Variants in EIF4E1B observed in about 807,000 individuals in gnomAD.
EIF4E1B encodes eukaryotic translation initiation factor 4E type 1B.
A neutral mutation model predicts 31.3 loss-of-function variants in EIF4E1B; 22 were observed. The observed-to-expected ratio is 0.70, with a 90% CI of 0.50 to 1.00. EIF4E1B has a LOEUF of 1.00. Among genes scored for constraint, EIF4E1B ranks in the 50% least tolerant of loss-of-function variants. EIF4E1B has a pLI of 0.00. For synonymous variants in EIF4E1B, 126 were observed against 120.2 expected (o/e 1.05, Z -0.31); for missense variants, 290 against 311.6 (o/e 0.93, Z 0.52).
At chr5:176,636,274 AGCTCGG>A (rs1199519548) in intron 1 of EIF4E1B, among the ~76,000 whole-genome samples, 3 of 152,176 alleles carry the variant, frequency 2.0e-5, no homozygotes, top group African/African-American at 7.2e-5. Flanking sequence ...GGGGTGGCAA[AGCTCGG>A]GCTCGTGGGC....
In EIF4E1B at chr5:176,645,850, TC is replaced by T. The variant is rs1481342579; in HGVS notation, c.615-11del. 2 of 1,558,052 alleles carry T rather than the reference TC, an allele frequency of 1.3e-6. No individual in the cohort carries two copies. Among genetic ancestry groups the T allele is most frequent in the Admixed American group, 2.0e-5 (1 of 50,684 alleles). ...CTACCTGTGTCTCTTTTCCTCTGTG[TC>T]CCCCGCACCTGCAGGCGTGTATACA... On this transcript the variant is annotated splice_polypyrimidine_tract_variant and intron_variant, in intron 8 of 8. Coordinates refer to ENST00000318682, the MANE Select transcript of EIF4E1B (RefSeq NM_001099408.2). This position sits in a 1 kb window ranked among gnomAD's most constrained non-coding sequence, Gnocchi z 5.4.
At chr5:176,632,948 C>T (rs1027785032) in intron 1 of EIF4E1B, among the ~76,000 whole-genome samples, 2 of 151,998 alleles carry the variant, frequency 1.3e-5, no homozygotes, top group African/African-American at 4.8e-5. Flanking sequence ...AGCAGGGAAG[C>T]AGAGGGCGGG....
At chr5:176,636,928 C>T (rs1760502766) in intron 1 of EIF4E1B, among the ~76,000 whole-genome samples, 1 of 152,244 alleles carries the variant, frequency 6.6e-6, no homozygotes, top group African/African-American at 2.4e-5. Flanking sequence ...CAATGAAGCC[C>T]TTGCCCCTCT....
intron 1 of EIF4E1B, among the ~76,000 whole-genome samples, chr5:176,641,386 A>G (rs1417483176): frequency 6.6e-6 from 1 of 152,182 alleles, no homozygotes; most frequent in Non-Finnish European, 1.5e-5. Context: ...GCCCAGAACT[A>G]AGGCGTCAGA....
At chr5:176,642,851 TCCCCC>T (rs756296646) in intron 3 of EIF4E1B, 49 bp downstream of exon 3, 5 of 999,776 alleles carry the variant, frequency 5.0e-6, no homozygotes, top group South Asian at 4.2e-5. Flanking sequence ...CCCCGCCCTC[TCCCCC>T]CCCCCCCCCG....
At chr5:176,632,895 G>A (rs2113436090) in intron 1 of EIF4E1B, among the ~76,000 whole-genome samples, 1 of 152,300 alleles carries the variant, frequency 6.6e-6, no homozygotes, top group South Asian at 2.1e-4. Context: ...GTGACTGACA[G>A]GTGCAGCTCC....
chr5:176,630,863 A>T lies in EIF4E1B; in HGVS notation c.-403A>T, dbSNP rs1319522337. On this transcript the variant is annotated 5_prime_UTR_variant, in exon 1 of 9. Transcript: ENST00000318682. ...CCTCCTCTGTAAAACAGGAATGGTT[A>T]ATTCAACGAATGTTTACTGAGCGCT... 6.6e-6 allele frequency: 1 copy of T among 152,258 alleles called. No individual in the cohort carries two copies. The highest frequency in any genetic ancestry group is 2.4e-5 in the African/African-American group (1 of 41,418). The allele number at this position is 152,258 out of a possible 1,614,324, so 9.4% of individuals were successfully genotyped here. A position where few individuals can be genotyped will look rare whatever the true frequency, so the allele number is the denominator to read the frequency against.
chr5:176,632,578 GA>G (rs1760424406), intron 1 of EIF4E1B, among the ~76,000 whole-genome samples: 1 of 152,196 alleles, frequency 6.6e-6, no homozygotes. Context: ...TAATTTCTGA[GA>G]AAACTGTTAA....
chr5:176,644,875 C>G (rs73806059), intron 6 of EIF4E1B, among the ~76,000 whole-genome samples: 1 of 152,152 alleles, frequency 6.6e-6, no homozygotes, highest in Non-Finnish European at 1.5e-5. Flanking sequence ...TAATCCACCC[C>G]GATTTGAATG....
intron 1 of EIF4E1B, among the ~76,000 whole-genome samples, chr5:176,637,784 G>C (rs1051130771): frequency 6.6e-6 from 1 of 152,198 alleles, no homozygotes; most frequent in Non-Finnish European, 1.5e-5. Flanking sequence ...TGCGCTGTGA[G>C]CAGAGGAGGG....
rs751404509 is a variant in EIF4E1B, at chr5:176,643,259, C to A, written c.193C>A (p.Gln65Lys). Residue 65 changes from glutamine to lysine, a missense_variant, in exon 4 of 9, where the codon CAG (glutamine) becomes AAG (lysine). By Grantham distance (53) the Gln-to-Lys change is moderately conservative. Transcript: ENST00000318682. ...AGTCAAGCTGGAGCTGCACCCCTTG[C>A]AGAACAGGTAGGCAGGAGCCTGCGA... ...MEVKLELHPL[Q>K]NRWALWFFKN... The A allele has an allele frequency of 1.2e-6, 2 of 1,611,824 alleles. No individual in the cohort carries two copies. The highest frequency in any genetic ancestry group is 4.5e-5 in the East Asian group (2 of 44,888).
chr5:176,643,769 G>A, intron 5 of EIF4E1B, 35 bp downstream of exon 5: 1 of 1,590,960 alleles, frequency 6.3e-7, no homozygotes, highest in Non-Finnish European at 8.6e-7. Context: ...TAGAGTTGGG[G>A]GGCTCTGAGC....
In EIF4E1B at chr5:176,645,711, A is replaced by C; in HGVS notation, c.615-155A>C. ...TACGGCAGTGCAGCTCTCCTTTTGC[A>C]TTAAGGGGGTCATATTTTGGGTTTC... On this transcript the variant is annotated intron_variant, in intron 8 of 8. Coordinates refer to ENST00000318682, the MANE Select transcript of EIF4E1B (RefSeq NM_001099408.2). This position sits in a 1 kb window ranked among gnomAD's most constrained non-coding sequence, Gnocchi z 5.4. 9.2e-7 allele frequency: 1 copy of C among 1,088,952 alleles called. No individual in the cohort carries two copies. The highest frequency in any genetic ancestry group is 1.3e-6 in the Non-Finnish European group (1 of 776,236). The allele number at this position is 1,088,952 out of a possible 1,614,324, so 67.5% of individuals were successfully genotyped here.
rs1760699501 is a variant in EIF4E1B, at chr5:176,645,983, G to C, written c.*3G>C. The stretch of plus-strand genomic sequence containing the variant: ...CCAAGAACAAGTTTGTGGTGTGAGG[G>C]GGGCCTTGGCACCCCTCCTATGTAA... On this transcript the variant is annotated 3_prime_UTR_variant, in exon 9 of 9. Coordinates refer to ENST00000318682, the MANE Select transcript of EIF4E1B (RefSeq NM_001099408.2). The surrounding 1 kb of genome is among the most constrained non-coding windows in gnomAD (Gnocchi z 5.4). 6.3e-7 allele frequency: 1 copy of C among 1,596,252 alleles called. No homozygotes were observed. The highest frequency in any genetic ancestry group is 8.5e-7 in the Non-Finnish European group (1 of 1,171,662).
At chr5:176,642,862 C>G (rs1465238107) in intron 3 of EIF4E1B, 60 bp downstream of exon 3, 1 of 1,287,078 alleles carries the variant, frequency 7.8e-7, no homozygotes, top group African/African-American at 1.9e-5. Context: ...CCCCCCCCCC[C>G]CCCGCCCCAG....
In EIF4E1B at chr5:176,643,555, A is replaced by AG. The variant is rs1581186992; in HGVS notation, c.201-81dup. On this transcript the variant is annotated intron_variant, in intron 4 of 8. Coordinates refer to ENST00000318682, the MANE Select transcript of EIF4E1B (RefSeq NM_001099408.2). The stretch of plus-strand genomic sequence containing the variant: ...ATCTCCCAGTTCGCCCTTGAAGGGG[A>AG]GGGTCCTCCCTGTCAGTCCAGGTGC... The AG allele has an allele frequency of 5.3e-6, 7 of 1,331,096 alleles. No homozygotes were observed. In the East Asian group the frequency reaches 1.8e-4, roughly 33 times the overall value. The allele number at this position is 1,331,096 out of a possible 1,614,324, so 82.5% of individuals were successfully genotyped here. A position where few individuals can be genotyped will look rare whatever the true frequency, so the allele number is the denominator to read the frequency against.
chr5:176,630,737 C>G lies in EIF4E1B; in HGVS notation c.-529C>G, dbSNP rs1014915868. 3 of 152,256 alleles carry G rather than the reference C, an allele frequency of 2.0e-5. No homozygotes were observed. Among genetic ancestry groups the G allele is most frequent in the South Asian group, 4.1e-4 (2 of 4,834 alleles). 9.4% of individuals were successfully genotyped at this position (152,256 alleles called of 1,614,324 possible). A position where few individuals can be genotyped will look rare whatever the true frequency, so the allele number is the denominator to read the frequency against. Reference sequence around the variant, plus strand: ...CGTGTGAAGAGTGGGGAAGAAATCACGCGACTGGATTTGGAGTTCTGCTGG... The same window carrying G: ...CGTGTGAAGAGTGGGGAAGAAATCAGGCGACTGGATTTGGAGTTCTGCTGG... On this transcript the variant is annotated 5_prime_UTR_variant, in exon 1 of 9. Transcript: ENST00000318682.
intron 6 of EIF4E1B, 182 bp downstream of exon 6, chr5:176,644,621 A>G: frequency 1.5e-6 from 1 of 645,446 alleles, no homozygotes; most frequent in Non-Finnish European, 2.5e-6. Flanking sequence ...GGTCAGGCCC[A>G]AGCCGCACCT....
rs1760536746 is a variant in EIF4E1B at position 176,638,994 on chromosome 5, T to C, written c.-201-3049T>C. ...TGTTTTATTTTTAGTAGAGACACGG[T>C]TTTACCATGTTGGCCAGGCTACTCT... On this transcript the variant is annotated intron_variant, in intron 1 of 8. Transcript: ENST00000318682. The surrounding 1 kb of genome is among the most constrained non-coding windows in gnomAD (Gnocchi z 4.3). 6.6e-6 allele frequency among the ~76,000 whole-genome samples: 1 copy of C among 152,158 alleles called. No individual in the cohort carries two copies. Among genetic ancestry groups the C allele is most frequent in the South Asian group, 2.1e-4 (1 of 4,832 alleles).
Sources: gnomAD v4.1 joint callset for allele counts (sites outside exome capture counted in the v4.1 genomes callset) on GRCh38, gnomAD v4.1.1 for gene constraint, Gnocchi (gnomAD v3.1) non-coding constraint, MANE v1.5 for transcripts, NCBI Gene and HGNC (gene_info 2026-07-23, HGNC 2026-07-21) for gene names.